Variants in KDM4C observed in about 807,000 individuals in gnomAD.
The protein encoded by KDM4C is lysine-specific demethylase 4C.
A neutral mutation model predicts 129.3 loss-of-function variants in KDM4C; 81 were observed. The ratio of observed to expected loss-of-function variants is 0.63; its 90% CI spans 0.52 to 0.75. KDM4C has a LOEUF of 0.75. KDM4C is among the 30% of genes least tolerant of loss of function. KDM4C has a pLI of 0.00. For synonymous variants in KDM4C, 573 were observed against 456.1 expected, an observed-to-expected ratio of 1.26 and a Z score of -3.26; for missense variants, 1,457 against 1,304.0, an observed-to-expected ratio of 1.12 and a Z score of -1.81.
chr9:7,148,820 GT>G (rs1842458904), intron 19 of KDM4C, among the ~76,000 whole-genome samples: 1 of 152,180 alleles, frequency 6.6e-6, no homozygotes, highest in Non-Finnish European at 1.5e-5. Context: ...TGAGTCTGGG[GT>G]TTTTATGGGG....
intron 4 of KDM4C, among the ~76,000 whole-genome samples, chr9:6,838,596 G>C (rs1176152429): frequency 6.6e-6 from 1 of 151,898 alleles, no homozygotes; most frequent in South Asian, 2.1e-4. Flanking sequence ...TTTTTATGTG[G>C]CACTTTCACT....
At chr9:6,864,222 T>G (rs1841510939) in intron 5 of KDM4C, among the ~76,000 whole-genome samples, 1 of 152,168 alleles carries the variant, frequency 6.6e-6, no homozygotes, top group South Asian at 2.1e-4. Flanking sequence ...TTCATTTATC[T>G]GGGAAGGACT....
intron 3 of KDM4C, among the ~76,000 whole-genome samples, chr9:6,807,720 G>A (rs1201644573): frequency 6.9e-6 from 1 of 144,870 alleles, no homozygotes; most frequent in Non-Finnish European, 1.5e-5. Context: ...GAGCCTCTCC[G>A]CCCGGCAGCC....
intron 1 of KDM4C, among the ~76,000 whole-genome samples, chr9:6,787,571 AT>A: frequency 6.6e-6 from 1 of 152,212 alleles, no homozygotes; most frequent in Non-Finnish European, 1.5e-5. Flanking sequence ...AGAAATCTTG[AT>A]TCGTATTTCT....
At chr9:6,747,003 C>CAAAA (rs58512756) in intron 1 of KDM4C, among the ~76,000 whole-genome samples, 11 of 50,546 alleles carry the variant, frequency 2.2e-4, no homozygotes, top group Non-Finnish European at 3.2e-4. Flanking sequence ...GACTCCGTCT[C>CAAAA]AAAAAAAAAA....
intron 1 of KDM4C, chr9:6,721,133 GT>G: frequency 1.4e-6 from 1 of 721,314 alleles, no homozygotes. Context: ...GAGGGCAGTG[GT>G]GCAATCACAC....
chr9:7,136,767 T>A (rs1841252711), intron 19 of KDM4C, among the ~76,000 whole-genome samples: 1 of 152,234 alleles, frequency 6.6e-6, no homozygotes, highest in African/African-American at 2.4e-5. Context: ...TCCTGGTTCG[T>A]GTCTTGTTTT....
intron 5 of KDM4C, among the ~76,000 whole-genome samples, chr9:6,850,125 G>C (rs1411181552): frequency 6.6e-6 from 1 of 152,204 alleles, no homozygotes; most frequent in African/African-American, 2.4e-5. Flanking sequence ...GCCTAGGTCT[G>C]TAGTAGATCC....
intron 3 of KDM4C, among the ~76,000 whole-genome samples, chr9:6,814,086 T>G (rs1055180703): frequency 6.6e-6 from 1 of 152,182 alleles, no homozygotes; most frequent in South Asian, 2.1e-4. Context: ...TTTATATGTT[T>G]AGAAAAATTA....
At chr9:7,061,197 C>G (rs1354420012) in intron 17 of KDM4C, among the ~76,000 whole-genome samples, 1 of 152,144 alleles carries the variant, frequency 6.6e-6, no homozygotes, top group African/African-American at 2.4e-5. Flanking sequence ...ATTTTACATA[C>G]AGTGGTTGGA....
At chr9:7,030,247 G>A (rs1435330302) in intron 15 of KDM4C, among the ~76,000 whole-genome samples, 1 of 152,098 alleles carries the variant, frequency 6.6e-6, no homozygotes, top group Non-Finnish European at 1.5e-5. Context: ...TAACCTAGAG[G>A]TGGTGGGTAA....
rs752321473 is a variant in KDM4C at position 6,849,596 on chromosome 9, C to T, written c.525C>T (p.Thr175=). Residue 175 remains threonine (T), a synonymous_variant, in exon 5 of 22, where the codon ACC becomes ACT. Transcript: ENST00000381309. ...ECGISIEGVN[T]PYLYFGMWKT... The stretch of plus-strand genomic sequence containing the variant: ...GCATTTCTATTGAGGGTGTAAATAC[C>T]CCATATCTCTATTTTGGCATGTGGA... 23 of 1,613,012 alleles carry T rather than the reference C, an allele frequency of 1.4e-5. No individual in the cohort carries two copies. In the Middle Eastern group the frequency reaches 6.6e-4, roughly 46 times the overall value.
At chr9:6,874,615 A>G (rs903504976) in intron 5 of KDM4C, among the ~76,000 whole-genome samples, 19 of 152,182 alleles carry the variant, frequency 1.2e-4, no homozygotes, top group Admixed American at 7.2e-4. Context: ...CTAAATTTTT[A>G]GGGCAGTTCT....
intron 8 of KDM4C, among the ~76,000 whole-genome samples, chr9:6,903,878 T>C (rs1330119563): frequency 6.6e-6 from 1 of 152,186 alleles, no homozygotes; most frequent in African/African-American, 2.4e-5. Context: ...TTTTCGAAAA[T>C]CTACACAATG....
At chr9:6,877,565 T>C (rs1483917463) in intron 5 of KDM4C, among the ~76,000 whole-genome samples, 2 of 152,182 alleles carry the variant, frequency 1.3e-5, no homozygotes, top group African/African-American at 2.4e-5. Context: ...GAATTGTTCT[T>C]TGATCCCCTA....
At chr9:6,748,339 C>G (rs899131980) in intron 1 of KDM4C, among the ~76,000 whole-genome samples, 1 of 151,932 alleles carries the variant, frequency 6.6e-6, no homozygotes, top group Non-Finnish European at 1.5e-5. Flanking sequence ...GAAACCCTGT[C>G]TCTACTAAAA....
At chr9:6,895,278 C>T (rs919214147) in intron 8 of KDM4C, among the ~76,000 whole-genome samples, 8 of 152,198 alleles carry the variant, frequency 5.3e-5, no homozygotes, top group African/African-American at 1.9e-4. Flanking sequence ...TGCAGGATTG[C>T]ATTTCTTACT....
intron 1 of KDM4C, among the ~76,000 whole-genome samples, chr9:6,766,565 T>C (rs1050033317): frequency 6.6e-6 from 1 of 151,358 alleles, no homozygotes; most frequent in Non-Finnish European, 1.5e-5. Context: ...CGACCGAGAG[T>C]GTCAGGCATT....
intron 8 of KDM4C, among the ~76,000 whole-genome samples, chr9:6,926,978 GA>G (rs1402657802): frequency 1.3e-5 from 2 of 152,116 alleles, no homozygotes; most frequent in Non-Finnish European, 2.9e-5. Flanking sequence ...TAGATGGAGG[GA>G]AAATATATTG....
Sources: allele counts gnomAD v4.1 joint callset (sites outside exome capture counted in the v4.1 genomes callset), GRCh38; gene constraint gnomAD v4.1.1; transcripts MANE v1.5; gene names NCBI Gene and HGNC (gene_info 2026-07-23, HGNC 2026-07-21).